The following RGSL1 variants were observed in gnomAD, a reference collection of about 807,000 sequenced individuals.
RGSL1 encodes regulator of G protein signaling like 1, also known as regulator of G protein signaling protein-like.
A neutral mutation model predicts 124.7 loss-of-function variants in RGSL1; 97 were observed. That is an observed-to-expected ratio of 0.78 (90% CI 0.66 to 0.92). The LOEUF (loss-of-function observed/expected upper bound fraction) is 0.92, where lower values mean the gene tolerates loss of function less well. Among genes scored for constraint, RGSL1 ranks in the 40% least tolerant of loss-of-function variants. The probability of loss-of-function intolerance (pLI) is 0.00; values close to 1 mark genes in which losing one functional copy is unlikely to be tolerated. For missense variants in RGSL1, 1,233 were observed against 1,288.4 expected, an observed-to-expected ratio of 0.96 and a Z score of 0.66; for synonymous variants, 424 against 438.1, an observed-to-expected ratio of 0.97 and a Z score of 0.40.
chr1:182,548,348 C>A lies in RGSL1; in HGVS notation c.2701C>A (p.Leu901Met). The A allele has an allele frequency of 6.4e-7, 1 of 1,552,060 alleles. No individual in the cohort carries two copies. Among genetic ancestry groups the A allele is most frequent in the South Asian group, 1.2e-5 (1 of 84,052 alleles). ...TGATCTGGTCAGTTCAGCCCACATG[C>A]TGCAGGTCAACCGGGCATATAATGA... Reference protein sequence around the residue: ...FNDLVSSAHMLQVNRAYNEND... With the variant: ...FNDLVSSAHMMQVNRAYNEND... Residue 901 changes from leucine (L) to methionine (M), a missense_variant, in exon 16 of 22, where the codon CTG (leucine) becomes ATG (methionine). Leu to Met is a conservative substitution (Grantham distance 15, BLOSUM62 2). Coordinates refer to ENST00000294854, the MANE Select transcript of RGSL1 (RefSeq NM_001137669.2).
At chr1:182,481,691 A>C (rs1654718612) in intron 6 of RGSL1, among the ~76,000 whole-genome samples, 1 of 152,234 alleles carries the variant, frequency 6.6e-6, no homozygotes, top group East Asian at 1.9e-4. Flanking sequence ...TCACAAGAAA[A>C]TACGAGCATG....
intron 9 of RGSL1, among the ~76,000 whole-genome samples, chr1:182,509,567 G>A (rs1335610963): frequency 8.8e-5 from 11 of 125,220 alleles, no homozygotes; most frequent in South Asian, 2.6e-4. Flanking sequence ...CCTCCCGGAC[G>A]GGGTGGCTGG....
Position 182,522,118 on chromosome 1 carries a change from T to C in RGSL1, c.1931+9T>C, listed in dbSNP as rs1285341283. On this transcript the variant is annotated intron_variant, in intron 10 of 21. Transcript: ENST00000294854. ...CCATCAATGAGACCCAGGTGAGATA[T>C]AGAATCTGTTTACAGCAACATCTTC... 1.4e-5 allele frequency: 21 copies of C among 1,529,312 alleles called. No individual in the cohort carries two copies. Among genetic ancestry groups the C allele is most frequent in the Middle Eastern group, 1.7e-4 (1 of 5,940 alleles). The allele number at this position is 1,529,312 out of a possible 1,614,324, so 94.7% of individuals were successfully genotyped here.
At chr1:182,494,773 A>T (rs1655797746) in intron 9 of RGSL1, among the ~76,000 whole-genome samples, 1 of 152,128 alleles carries the variant, frequency 6.6e-6, no homozygotes, top group Admixed American at 6.5e-5. Context: ...CTCCCCTAGC[A>T]TTCTGGTAGC....
intron 9 of RGSL1, among the ~76,000 whole-genome samples, chr1:182,520,637 A>G (rs1465662116): frequency 6.6e-6 from 1 of 152,104 alleles, no homozygotes; most frequent in African/African-American, 2.4e-5. Flanking sequence ...TTGAAAGTGT[A>G]TTATTTTTAT....
chr1:182,548,267 A>G (rs1282376178), intron 15 of RGSL1, 50 bp from the exon 16 acceptor site: 1 of 1,547,180 alleles, frequency 6.5e-7, no homozygotes, highest in Non-Finnish European at 8.7e-7. Flanking sequence ...CTTGTTAGTC[A>G]CTGTTTTCAT....
At chr1:182,475,657 A>G (rs1204909131) in intron 6 of RGSL1, among the ~76,000 whole-genome samples, 1 of 152,038 alleles carries the variant, frequency 6.6e-6, no homozygotes, top group African/African-American at 2.4e-5. Context: ...GAGGGATTGG[A>G]GAAATAGATA....
At chr1:182,495,143 T>G (rs574828032) in intron 9 of RGSL1, among the ~76,000 whole-genome samples, 1 of 152,328 alleles carries the variant, frequency 6.6e-6, no homozygotes, top group Non-Finnish European at 1.5e-5. Context: ...TACTGGGTAC[T>G]GGGGGCTCTG....
rs1374037910 is a variant in RGSL1, at chr1:182,485,648, A to G, written c.1432-2637A>G. 2.6e-5 allele frequency among the ~76,000 whole-genome samples: 4 copies of G among 152,258 alleles called. No individual in the cohort carries two copies. In the East Asian group the frequency reaches 7.7e-4, roughly 29 times the overall value. Reference sequence around the variant, plus strand: ...CTCTCATTGTACAGCTGATGGGCCAAATTCTCAGGTCTCACTGCTATTTAC... The same window carrying G: ...CTCTCATTGTACAGCTGATGGGCCAGATTCTCAGGTCTCACTGCTATTTAC... On this transcript the variant is annotated intron_variant, in intron 6 of 21. Coordinates refer to ENST00000294854, the MANE Select transcript of RGSL1 (RefSeq NM_001137669.2).
Position 182,548,994 on chromosome 1 carries a change from A to G in RGSL1, c.2933+170A>G, listed in dbSNP as rs1026408353. 1.6e-5 allele frequency: 12 copies of G among 745,968 alleles called. 1 individual carries two copies. Among genetic ancestry groups the G allele is most frequent in the East Asian group, 6.1e-5 (2 of 32,800 alleles). 46.2% of individuals were successfully genotyped at this position (745,968 alleles called of 1,614,324 possible). A position where few individuals can be genotyped will look rare whatever the true frequency, so the allele number is the denominator to read the frequency against. ...CCTCACTCCATCCCTCACACAGAAC[A>G]CCAAACACTGAATCCACAGATGGAA... On this transcript the variant is annotated intron_variant, in intron 17 of 21. Transcript: ENST00000294854.
At chr1:182,466,506 A>G (rs186902028) in intron 4 of RGSL1, among the ~76,000 whole-genome samples, 196 of 152,316 alleles carry the variant, frequency 1.3e-3, no homozygotes, top group Middle Eastern at 6.8e-3. Context: ...AAAACAAAAC[A>G]AAAAATCAGT....
Position 182,557,158 on chromosome 1 carries a change from G to A in RGSL1, c.*165+936G>A, listed in dbSNP as rs1312585288. Among the ~76,000 whole-genome samples the A allele has an allele frequency of 2.0e-5, 3 of 152,310 alleles. No individual in the cohort carries two copies. The South Asian group carries it at 6.2e-4, about 32-fold the overall frequency. The stretch of plus-strand genomic sequence containing the variant: ...TCTAGAGGAGGCTGAAAAAAGGCCA[G>A]GTGTGGAGAGCCCCTTGGGCCCCTG... On this transcript the variant is annotated intron_variant, in intron 21 of 21. Coordinates refer to ENST00000294854, the MANE Select transcript of RGSL1 (RefSeq NM_001137669.2).
At chr1:182,486,576 T>G (rs1325348900) in intron 6 of RGSL1, among the ~76,000 whole-genome samples, 1 of 152,064 alleles carries the variant, frequency 6.6e-6, no homozygotes, top group African/African-American at 2.4e-5. Context: ...TCAAACTCCT[T>G]GTCTCAAGTG....
rs1286482564 is a variant in RGSL1 at position 182,474,419 on chromosome 1, C to T, written c.1308C>T (p.Tyr436=). 2 of 1,552,032 alleles carry T rather than the reference C, an allele frequency of 1.3e-6. No homozygotes were observed. Among genetic ancestry groups the T allele is most frequent in the African/African-American group, 2.7e-5 (2 of 73,142 alleles). ...TGGGTGACAGAATCTGCGAGCTCTA[C>T]CTGAATGAGCAGATTGGTCCGTGCT... is the stretch of plus-strand genomic sequence containing the variant. ...HLLGDRICEL[Y]LNEQIGPCLP... is the part of the protein sequence containing the mutation. The change falls in exon 6 of 22, where the codon TAC becomes TAT. Residue 436 remains tyrosine (Y), a synonymous_variant. Transcript: ENST00000294854.
chr1:182,481,971 T>C (rs1048910916), intron 6 of RGSL1, among the ~76,000 whole-genome samples: 3 of 152,084 alleles, frequency 2.0e-5, no homozygotes, highest in Non-Finnish European at 4.4e-5. Flanking sequence ...AGATACTGTC[T>C]TTAAAAAGAA....
intron 4 of RGSL1, among the ~76,000 whole-genome samples, chr1:182,464,120 A>G (rs1029581576): frequency 1.3e-5 from 2 of 152,250 alleles, no homozygotes; most frequent in African/African-American, 4.8e-5. Flanking sequence ...AGAAAAAATT[A>G]CAAGGGAAAT....
chr1:182,470,565 CCA>C (rs1653750964), intron 4 of RGSL1, among the ~76,000 whole-genome samples: 2 of 152,276 alleles, frequency 1.3e-5, no homozygotes, highest in South Asian at 4.1e-4. Flanking sequence ...CCTCATTGAA[CCA>C]CTACCAATTT....
intron 18 of RGSL1, among the ~76,000 whole-genome samples, chr1:182,551,570 TTAAG>T (rs1369220633): frequency 1.3e-5 from 2 of 152,206 alleles, no homozygotes; most frequent in African/African-American, 4.8e-5. Context: ...TTTTATAGCG[TTAAG>T]TGACAACATT....
At chr1:182,495,060 C>G (rs1220070951) in intron 9 of RGSL1, among the ~76,000 whole-genome samples, 1 of 152,196 alleles carries the variant, frequency 6.6e-6, no homozygotes, top group African/African-American at 2.4e-5. Context: ...AATTGCTGCT[C>G]TTTCCAGAAT....
Sources: gnomAD v4.1 joint callset for allele counts (sites outside exome capture counted in the v4.1 genomes callset) on GRCh38, gnomAD v4.1.1 for gene constraint, MANE v1.5 for transcripts, NCBI Gene and HGNC (gene_info 2026-07-23, HGNC 2026-07-21) for gene names.